ZC3H12B: variants seen among roughly 807,000 people sequenced by gnomAD.
The protein encoded by ZC3H12B is probable ribonuclease ZC3H12B.
Under a neutral mutation model 43.9 loss-of-function variants are expected in ZC3H12B, and 7 were observed. The observed-to-expected ratio is 0.16, with a 90% CI of 0.09 to 0.30. ZC3H12B has a LOEUF of 0.30. Among genes scored for constraint, ZC3H12B ranks in the 10% least tolerant of loss-of-function variants. The probability of loss-of-function intolerance (pLI) is 1.00; values close to 1 mark genes in which losing one functional copy is unlikely to be tolerated. For synonymous variants in ZC3H12B, 222 were observed against 241.7 expected (o/e 0.92, Z 0.76); for missense variants, 475 against 670.2 (o/e 0.71, Z 3.22).
rs191790562 is a variant in ZC3H12B, at chrX:65,431,112, G to C, written n.407+32408G>C. On this transcript the variant is annotated intron_variant and non_coding_transcript_variant, in intron 3 of 5. Coordinates refer to the ZC3H12B transcript ENST00000617377. ...AGTGAAAAGAAATATCTAAGCATGA[G>C]CTTATTACCTACTTCTTTTCTTGTG... 9.8e-5 allele frequency among the ~76,000 whole-genome samples: 11 copies of C among 112,612 alleles called. No homozygotes were observed. In the East Asian group the frequency reaches 1.7e-3, roughly 17 times the overall value.
At chrX:65,121,494 A>G in the ZC3H12B span, among the ~76,000 whole-genome samples, 15 of 111,060 alleles carry the variant, frequency 1.4e-4, no homozygotes, top group African/African-American at 4.9e-4. Flanking sequence ...ATCGGTGGTG[A>G]TATCCACTTT....
chrX:65,150,896 T>C, the ZC3H12B span, among the ~76,000 whole-genome samples: 26,311 of 110,586 alleles, frequency 0.24, 7,603 homozygotes, highest in African/African-American at 0.82. Context: ...TATGTACTCT[T>C]CCCTGCCTCC....
At chrX:65,344,051 G>A in the ZC3H12B span, among the ~76,000 whole-genome samples, 1 of 112,052 alleles carries the variant, frequency 8.9e-6, no homozygotes, top group Non-Finnish European at 1.9e-5. Flanking sequence ...CAAGCCAAGA[G>A]CCACATCAGG....
the ZC3H12B span, among the ~76,000 whole-genome samples, chrX:65,053,721 C>G: frequency 1.5e-4 from 17 of 111,688 alleles, no homozygotes; most frequent in East Asian, 5.6e-4. Context: ...TACAGTCCCA[C>G]CAACAGTGTA....
chrX:65,308,327 GC>G, the ZC3H12B span, among the ~76,000 whole-genome samples: 1 of 110,621 alleles, frequency 9.0e-6, no homozygotes, highest in African/African-American at 3.3e-5. Flanking sequence ...GCAAAAAAAA[GC>G]AGGGGTTGCA....
In ZC3H12B at chrX:65,465,158, A is replaced by C. The variant is rs1389974455; in HGVS notation, n.408-23488A>C. Among the ~76,000 whole-genome samples the C allele has an allele frequency of 2.7e-5, 3 of 110,809 alleles. No individual in the cohort carries two copies. In the East Asian group the frequency reaches 8.4e-4, roughly 31 times the overall value. On this transcript the variant is annotated intron_variant and non_coding_transcript_variant, in intron 3 of 5. Coordinates refer to the ZC3H12B transcript ENST00000617377. ...GTTGAAATCACCTGTTTTATTATTA[A>C]TCTTCTGCTTAGTTGGTATTTCCAT... is the stretch of plus-strand genomic sequence containing the variant.
the ZC3H12B span, among the ~76,000 whole-genome samples, chrX:65,233,945 T>G: frequency 1.8e-5 from 2 of 111,407 alleles, no homozygotes; most frequent in African/African-American, 6.5e-5. Context: ...ATCAACCCAA[T>G]TATTTAAAGA....
chrX:65,304,402 G>T, the ZC3H12B span, among the ~76,000 whole-genome samples: 5 of 111,576 alleles, frequency 4.5e-5, no homozygotes, highest in Admixed American at 9.5e-5. Flanking sequence ...GGATCACGAG[G>T]TCAGGAGATC....
At chrX:65,066,095 C>T in the ZC3H12B span, among the ~76,000 whole-genome samples, 2 of 109,234 alleles carry the variant, frequency 1.8e-5, no homozygotes, top group Non-Finnish European at 3.8e-5. Context: ...ACATGCTCCT[C>T]GCCTTGGAGG....
chrX:65,503,990 A>G (rs897753025), exon 5 of ZC3H12B: 2 of 112,477 alleles, frequency 1.8e-5, no homozygotes, highest in African/African-American at 6.5e-5. Flanking sequence ...GAGCAAAAGC[A>G]TCAGGATCAG....
chrX:65,281,526 G>A, the ZC3H12B span, among the ~76,000 whole-genome samples: 4 of 112,129 alleles, frequency 3.6e-5, no homozygotes, highest in Non-Finnish European at 5.6e-5. Context: ...GCACCTGGCT[G>A]TATAGGCAAT....
chrX:65,374,928 CCCATCAGGTCCTTCCCATGA>C (rs1296746200), intron 2 of ZC3H12B, among the ~76,000 whole-genome samples: 1 of 111,270 alleles, frequency 9.0e-6, no homozygotes, highest in Non-Finnish European at 1.9e-5. Flanking sequence ...CCAATTACCT[CCCATCAGGTCCTTCCCATGA>C]CACATGGGGA....
At chrX:65,095,256 G>A in the ZC3H12B span, among the ~76,000 whole-genome samples, 1 of 111,765 alleles carries the variant, frequency 8.9e-6, no homozygotes, top group East Asian at 2.8e-4. Flanking sequence ...AAACCATGAT[G>A]TTACAGAATC....
At chrX:65,503,052 A>G in exon 5 of ZC3H12B, 1 of 1,211,323 alleles carries the variant, frequency 8.3e-7, no homozygotes. Flanking sequence ...GATTCCAGGG[A>G]GCATATGATC....
the ZC3H12B span, among the ~76,000 whole-genome samples, chrX:65,077,769 AT>A: frequency 2.7e-5 from 3 of 111,811 alleles, no homozygotes; most frequent in Non-Finnish European, 5.6e-5. Flanking sequence ...GCAGTTCTGG[AT>A]TGCAGGTCTC....
chrX:65,488,699 G>A (rs1294036521), upstream of ZC3H12B: 1 of 1,015,765 alleles, frequency 9.8e-7, no homozygotes, highest in Admixed American at 3.9e-5. Context: ...TTGCACCATC[G>A]CTACCACGAC....
At chrX:65,363,095 G>A (rs966245358), upstream of ZC3H12B, among the ~76,000 whole-genome samples, 1 of 111,448 alleles carries the variant, frequency 9.0e-6, no homozygotes, top group African/African-American at 3.3e-5. Context: ...TTCAGGGACA[G>A]CCCTCATTAC....
the ZC3H12B span, among the ~76,000 whole-genome samples, chrX:65,091,119 G>A: frequency 9.0e-6 from 1 of 111,696 alleles, no homozygotes; most frequent in Non-Finnish European, 1.9e-5. Flanking sequence ...TTTCTTTATA[G>A]CAATGCAAGA....
At chrX:65,157,068 C>T in the ZC3H12B span, among the ~76,000 whole-genome samples, 1 of 111,111 alleles carries the variant, frequency 9.0e-6, no homozygotes, top group African/African-American at 3.3e-5. Context: ...GCAGCTTTGA[C>T]CTCCTTGGGC....
Sources: gnomAD v4.1 joint callset for allele counts (sites outside exome capture counted in the v4.1 genomes callset) on GRCh38, gnomAD v4.1.1 for gene constraint, MANE v1.5 for transcripts, NCBI Gene and HGNC (gene_info 2026-07-23, HGNC 2026-07-21) for gene names.